LRIG1: variants seen among roughly 807,000 people sequenced by gnomAD.
LRIG1 encodes the protein leucine-rich repeats and immunoglobulin-like domains protein 1.
Under a neutral mutation model 99.2 loss-of-function variants are expected in LRIG1, and 48 were observed. That is an observed-to-expected ratio of 0.48 (90% CI 0.38 to 0.62). The LOEUF (loss-of-function observed/expected upper bound fraction) is 0.62. LRIG1 is among the 20% of genes least tolerant of loss of function. LRIG1 has a pLI of 0.00. For missense variants in LRIG1, 1,646 were observed against 1,434.4 expected (o/e 1.15, Z -2.38); for synonymous variants, 772 against 596.1 (o/e 1.29, Z -4.30).
chr3:66,489,022 G>A (rs879569227), intron 1 of LRIG1, among the ~76,000 whole-genome samples: 2 of 152,064 alleles, frequency 1.3e-5, no homozygotes, highest in African/African-American at 2.4e-5. Flanking sequence ...GATCGAAAGT[G>A]GATCTGTACC....
Position 66,394,042 on chromosome 3 carries a change from C to T in LRIG1, c.1466G>A (p.Cys489Tyr). 6.2e-7 allele frequency: 1 copy of T among 1,614,014 alleles called. No homozygotes were observed. Among genetic ancestry groups the T allele is most frequent in the East Asian group, 2.2e-5 (1 of 44,878 alleles). The change falls in exon 12 of 19, where the codon TGC (cysteine) becomes TAC (tyrosine). Residue 489 changes from cysteine (C) to tyrosine (Y), a missense_variant and splice_region_variant. Transcript: ENST00000273261. ...AAAAGTTACAAAGACAGTCTTACCG[C>T]ACACGAAACTCTCTGGTGGCACAGA... Reference protein sequence around the residue: ...IFSVPPESFVCDDFLKPQIIT... With the variant: ...IFSVPPESFVYDDFLKPQIIT...
chr3:66,418,375 G>A (rs936792771), intron 3 of LRIG1, among the ~76,000 whole-genome samples: 5 of 152,196 alleles, frequency 3.3e-5, no homozygotes, highest in African/African-American at 2.4e-5. Flanking sequence ...TTACAGGCGT[G>A]AGCCACCACA....
At chr3:66,429,020 A>G (rs1230020249) in intron 3 of LRIG1, among the ~76,000 whole-genome samples, 2 of 152,252 alleles carry the variant, frequency 1.3e-5, no homozygotes, top group Non-Finnish European at 1.5e-5. Context: ...CGGGATAAAC[A>G]GCCTCCGCCA....
At chr3:66,438,762 T>C (rs764920750) in intron 3 of LRIG1, among the ~76,000 whole-genome samples, 1 of 152,136 alleles carries the variant, frequency 6.6e-6, no homozygotes, top group Non-Finnish European at 1.5e-5. Context: ...TGAGCAAAAA[T>C]GGACCAATGC....
At chr3:66,405,995 C>A (rs1702255338) in intron 8 of LRIG1, 1 of 991,722 alleles carries the variant, frequency 1.0e-6, no homozygotes. Context: ...ACCTGGAGAC[C>A]AGGCCCCCAT....
At chr3:66,408,178 T>G (rs1702343517) in intron 7 of LRIG1, among the ~76,000 whole-genome samples, 1 of 152,202 alleles carries the variant, frequency 6.6e-6, no homozygotes, top group African/African-American at 2.4e-5. Flanking sequence ...ATTGGTCATC[T>G]ATCGTTGAAA....
At position 66,381,600 on chromosome 3, in the gene LRIG1, T is replaced by C; in HGVS notation, c.2649A>G (p.Pro883=). The change falls in exon 17 of 19, where the codon CCA becomes CCG. Residue 883 remains proline, a synonymous_variant. Coordinates refer to ENST00000273261, the MANE Select transcript of LRIG1 (RefSeq NM_015541.3). ...GVCPRDASHF[P]EPDTHSVACR... ...AGGCAACGCTGTGAGTGTCGGGCTC[T>C]GGAAAGTGGCTTGCATCTCTTGGAC... The C allele has an allele frequency of 1.2e-6, 2 of 1,614,074 alleles. No homozygotes were observed. Among genetic ancestry groups the C allele is most frequent in the Non-Finnish European group, 1.7e-6 (2 of 1,179,900 alleles).
At chr3:66,431,766 C>CA (rs1703180932) in intron 3 of LRIG1, among the ~76,000 whole-genome samples, 1 of 152,178 alleles carries the variant, frequency 6.6e-6, no homozygotes, top group African/African-American at 2.4e-5. Flanking sequence ...CAGAATGAAC[C>CA]TCCTTCTCAC....
intron 1 of LRIG1, among the ~76,000 whole-genome samples, chr3:66,477,969 T>C (rs1575723226): frequency 1.3e-5 from 2 of 152,272 alleles, no homozygotes; most frequent in South Asian, 2.1e-4. Flanking sequence ...TGCAAAGCCA[T>C]GGACTTGCTA....
Position 66,380,129 on chromosome 3 carries a change from T to C in LRIG1, c.*134A>G. 1.4e-6 allele frequency: 1 copy of C among 691,468 alleles called. No homozygotes were observed. Among genetic ancestry groups the C allele is most frequent in the Non-Finnish European group, 2.4e-6 (1 of 423,100 alleles). 42.8% of individuals were successfully genotyped at this position (691,468 alleles called of 1,614,324 possible). ...TACTGTGCTTCAGATCCAAGTCCTGTGAGCGACTGATACTCCACATGGGAG... is the reference window on the plus strand; with the variant it reads ...TACTGTGCTTCAGATCCAAGTCCTGCGAGCGACTGATACTCCACATGGGAG... On this transcript the variant is annotated 3_prime_UTR_variant, in exon 19 of 19. Transcript: ENST00000273261.
chr3:66,493,581 G>C (rs997277271), intron 1 of LRIG1, among the ~76,000 whole-genome samples: 1 of 152,064 alleles, frequency 6.6e-6, no homozygotes, highest in African/African-American at 2.4e-5. Flanking sequence ...CATTCCAAAA[G>C]ACTCCTTCAC....
At chr3:66,413,154 G>A (rs1386190228) in intron 5 of LRIG1, 140 bp from the exon 6 acceptor site, 2 of 922,208 alleles carry the variant, frequency 2.2e-6, no homozygotes, top group East Asian at 2.6e-5. Context: ...GGATGTGTAG[G>A]GGAGCCCACC....
intron 1 of LRIG1, among the ~76,000 whole-genome samples, chr3:66,486,956 C>T (rs977178997): frequency 6.6e-6 from 1 of 152,164 alleles, no homozygotes; most frequent in East Asian, 1.9e-4. Context: ...ACTTGGAATT[C>T]CCTTCGCCCT....
At chr3:66,487,609 T>C (rs765739236) in intron 1 of LRIG1, among the ~76,000 whole-genome samples, 15 of 152,050 alleles carry the variant, frequency 9.9e-5, no homozygotes, top group Non-Finnish European at 2.1e-4. Flanking sequence ...CATACACACA[T>C]ACAGGGATGT....
intron 1 of LRIG1, among the ~76,000 whole-genome samples, chr3:66,479,178 G>C (rs898286707): frequency 6.6e-6 from 1 of 152,232 alleles, no homozygotes; most frequent in Non-Finnish European, 1.5e-5. Flanking sequence ...CTAATTTATA[G>C]CTGCAAAGCT....
intron 8 of LRIG1, chr3:66,406,407 G>C (rs76948593): frequency 4.1e-6 from 4 of 985,352 alleles, no homozygotes; most frequent in Non-Finnish European, 4.8e-6. Context: ...CTTGTTATTT[G>C]GGCCTTGTAT....
chr3:66,436,571 C>T (rs577160912), intron 3 of LRIG1, among the ~76,000 whole-genome samples: 3 of 152,330 alleles, frequency 2.0e-5, no homozygotes, highest in Admixed American at 6.5e-5. Context: ...GTCTCTCCCC[C>T]TCATTTGAGG....
At chr3:66,396,091 C>T (rs989539270) in intron 11 of LRIG1, among the ~76,000 whole-genome samples, 73 of 152,348 alleles carry the variant, frequency 4.8e-4, no homozygotes, top group African/African-American at 1.6e-3. Context: ...ACGCCCTGGA[C>T]GTGTGGGGCT....
At chr3:66,496,557 G>A (rs1559829332) in intron 1 of LRIG1, among the ~76,000 whole-genome samples, 1 of 152,164 alleles carries the variant, frequency 6.6e-6, no homozygotes, top group Non-Finnish European at 1.5e-5. Context: ...AACTCTAAGA[G>A]CACTTGCACC....
Sources: gnomAD v4.1 joint callset for allele counts (sites outside exome capture counted in the v4.1 genomes callset) on GRCh38, gnomAD v4.1.1 for gene constraint, MANE v1.5 for transcripts, NCBI Gene and HGNC (gene_info 2026-07-23, HGNC 2026-07-21) for gene names.